The following DGKB variants were observed in gnomAD, a reference collection of about 807,000 sequenced individuals.
DGKB encodes diacylglycerol kinase beta.
DGKB carries 67 observed loss-of-function variants against 114.3 expected under a neutral mutation model. The observed-to-expected ratio is 0.59, with a 90% CI of 0.48 to 0.72. The LOEUF (loss-of-function observed/expected upper bound fraction) is 0.72. Among genes scored for constraint, DGKB ranks in the 30% least tolerant of loss-of-function variants. The pLI is 0.00. For missense variants in DGKB, 907 were observed against 975.2 expected (o/e 0.93, Z 0.93); for synonymous variants, 398 against 323.1 (o/e 1.23, Z -2.49).
intron 1 of DGKB, among the ~76,000 whole-genome samples, chr7:14,851,742 C>T (rs141165382): frequency 2.5e-3 from 376 of 152,280 alleles, no homozygotes; most frequent in Non-Finnish European, 4.8e-3. Context: ...TTCTTGGAAG[C>T]TTGCCAACAT....
At chr7:14,538,257 C>T (rs993691775) in intron 20 of DGKB, among the ~76,000 whole-genome samples, 1 of 151,926 alleles carries the variant, frequency 6.6e-6, no homozygotes, top group African/African-American at 2.4e-5. Context: ...AACTCCTACA[C>T]CTCAATAGCA....
intron 21 of DGKB, among the ~76,000 whole-genome samples, chr7:14,376,209 C>A (rs1418220643): frequency 6.6e-6 from 1 of 152,052 alleles, no homozygotes; most frequent in South Asian, 2.1e-4. Flanking sequence ...TGACCTGGCC[C>A]GAGGCACCCA....
intron 21 of DGKB, among the ~76,000 whole-genome samples, chr7:14,351,336 GC>G (rs1225760427): frequency 2.0e-5 from 3 of 152,246 alleles, no homozygotes; most frequent in Non-Finnish European, 4.4e-5. Flanking sequence ...TGAATGAGGA[GC>G]GTCTGAAAGC....
At chr7:14,860,755 T>C (rs2128178900) in intron 1 of DGKB, among the ~76,000 whole-genome samples, 1 of 152,052 alleles carries the variant, frequency 6.6e-6, no homozygotes, top group Non-Finnish European at 1.5e-5. Context: ...GCTTGAGTCT[T>C]TCCCTAGGGC....
intron 21 of DGKB, among the ~76,000 whole-genome samples, chr7:14,435,454 C>T (rs917870789): frequency 6.6e-6 from 1 of 152,066 alleles, no homozygotes; most frequent in Admixed American, 6.6e-5. Flanking sequence ...CTAAATCACA[C>T]TTTATCCCCT....
intron 20 of DGKB, among the ~76,000 whole-genome samples, chr7:14,528,654 G>C (rs1378429323): frequency 6.6e-6 from 1 of 151,862 alleles, no homozygotes; most frequent in African/African-American, 2.4e-5. Context: ...ATTCTATGGA[G>C]TGAAAACAGA....
chr7:14,955,203 T>C (rs1786433606), intron 1 of DGKB, among the ~76,000 whole-genome samples: 1 of 152,010 alleles, frequency 6.6e-6, no homozygotes, highest in African/African-American at 2.4e-5. Context: ...CAAGAACAAA[T>C]CTAATGAAAA....
intron 13 of DGKB, among the ~76,000 whole-genome samples, chr7:14,660,319 T>A (rs1218548837): frequency 2.0e-5 from 3 of 151,864 alleles, no homozygotes; most frequent in African/African-American, 7.2e-5. Context: ...TACCAGTTCC[T>A]CCTTGTACCT....
intron 21 of DGKB, among the ~76,000 whole-genome samples, chr7:14,420,702 A>G (rs1296132264): frequency 1.3e-5 from 2 of 152,040 alleles, no homozygotes; most frequent in Non-Finnish European, 2.9e-5. Flanking sequence ...TTTACCTTAA[A>G]CTTCTAATTG....
intron 2 of DGKB, among the ~76,000 whole-genome samples, chr7:14,776,736 C>A (rs1838257316): frequency 6.6e-6 from 1 of 152,232 alleles, no homozygotes; most frequent in Non-Finnish European, 1.5e-5. Flanking sequence ...TCATGGAGAA[C>A]CTCTGCTAGG....
chr7:14,262,825 T>C (rs185237920), intron 23 of DGKB, among the ~76,000 whole-genome samples: 61 of 152,220 alleles, frequency 4.0e-4, no homozygotes, highest in Admixed American at 9.2e-4. Flanking sequence ...CTTAGAACAC[T>C]AACTGGGCCA....
chr7:14,304,100 C>CTCTCTT (rs1234572142), intron 23 of DGKB, among the ~76,000 whole-genome samples: 1 of 150,820 alleles, frequency 6.6e-6, no homozygotes, highest in Non-Finnish European at 1.5e-5. Flanking sequence ...CTCTCTCTCT[C>CTCTCTT]ACCCCTACCT....
chr7:14,291,142 CAA>C (rs373171858), intron 23 of DGKB, among the ~76,000 whole-genome samples: 3 of 86,376 alleles, frequency 3.5e-5, no homozygotes, highest in African/African-American at 9.7e-5. Flanking sequence ...AACTCCGTCT[CAA>C]AAAAAAAAAA....
At chr7:14,492,023 G>T (rs753853082) in intron 20 of DGKB, among the ~76,000 whole-genome samples, 24 of 151,814 alleles carry the variant, frequency 1.6e-4, no homozygotes, top group Non-Finnish European at 1.5e-5. Flanking sequence ...GAGAATATAG[G>T]CCTATTACAT....
chr7:14,285,535 A>G (rs1366530474), intron 23 of DGKB, among the ~76,000 whole-genome samples: 1 of 152,174 alleles, frequency 6.6e-6, no homozygotes, highest in Non-Finnish European at 1.5e-5. Context: ...CCAATAAAAT[A>G]TTATTTTCAG....
Position 14,938,620 on chromosome 7 carries a change from T to C in DGKB, c.-188+36076A>G, listed in dbSNP as rs143629123. Among the ~76,000 whole-genome samples, 693 of 152,104 alleles carry C rather than the reference T, an allele frequency of 4.6e-3. 6 individuals carry two copies. Among genetic ancestry groups the C allele is most frequent in the African/African-American group, 0.014 (601 of 41,554 alleles). Reference sequence around the variant, plus strand: ...TTATTATTCTTTTCTTTCTTTCTTTTTTTTTTTAGTTTTCTCATTGCTTCT... The same window carrying C: ...TTATTATTCTTTTCTTTCTTTCTTTCTTTTTTTAGTTTTCTCATTGCTTCT... On this transcript the variant is annotated intron_variant, in intron 1 of 4. Coordinates refer to the DGKB transcript ENST00000437998.
chr7:14,360,805 G>A (rs993987254), intron 21 of DGKB, among the ~76,000 whole-genome samples: 3 of 152,072 alleles, frequency 2.0e-5, no homozygotes, highest in African/African-American at 7.2e-5. Context: ...GAGAAAAAAG[G>A]AGTATACATA....
chr7:14,729,664 G>C (rs933227391), intron 5 of DGKB, among the ~76,000 whole-genome samples: 2 of 152,098 alleles, frequency 1.3e-5, no homozygotes, highest in African/African-American at 4.8e-5. Context: ...GATGACTCCT[G>C]CAACGGTTCA....
intron 2 of DGKB, among the ~76,000 whole-genome samples, chr7:14,804,199 T>A (rs973897505): frequency 3.9e-5 from 6 of 151,934 alleles, no homozygotes; most frequent in Non-Finnish European, 7.4e-5. Flanking sequence ...TTTATAGAAT[T>A]CTATTTTACA....
Sources: allele counts gnomAD v4.1 joint callset (sites outside exome capture counted in the v4.1 genomes callset), GRCh38; gene constraint gnomAD v4.1.1; transcripts MANE v1.5; gene names NCBI Gene and HGNC (gene_info 2026-07-23, HGNC 2026-07-21).